COL11A1: variants seen among roughly 807,000 people sequenced by gnomAD.
COL11A1 encodes the protein collagen alpha-1(XI) chain.
A neutral mutation model predicts 265.2 loss-of-function variants in COL11A1; 74 were observed. That is an observed-to-expected ratio of 0.28 (90% confidence interval 0.23 to 0.34). The LOEUF (loss-of-function observed/expected upper bound fraction) is 0.34, where lower values mean the gene tolerates loss of function less well. Ranked by LOEUF, COL11A1 falls within the 10% of genes least tolerant of loss-of-function variation. The pLI, the probability that COL11A1 is intolerant of heterozygous loss-of-function variation, is 1.00. For synonymous variants in COL11A1, 816 were observed against 727.6 expected (o/e 1.12, Z -1.96); for missense variants, 2,165 against 2,263.6 (o/e 0.96, Z 0.88).
chr1:103,059,839 C>T (rs1167735389), intron 4 of COL11A1, among the ~76,000 whole-genome samples: 1 of 151,810 alleles, frequency 6.6e-6, no homozygotes, highest in Non-Finnish European at 1.5e-5. Context: ...AGAAAAAAAG[C>T]TGGGAAATAC....
In COL11A1 at chr1:102,972,218, C is replaced by CT. The variant is rs34198893; in HGVS notation, c.2809-1947dup. On this transcript the variant is annotated intron_variant, in intron 36 of 66. Coordinates refer to ENST00000370096, the MANE Select transcript of COL11A1 (RefSeq NM_001854.4). ...GCTGAAGGATATCAATTATGTCTGG[C>CT]TTTTTTTTCCACCATACTAAAGTGC... Among the ~76,000 whole-genome samples, 5 of 151,886 alleles carry CT rather than the reference C, an allele frequency of 3.3e-5. No homozygotes were observed. The South Asian group carries it at 8.3e-4, about 25-fold the overall frequency.
intron 28 of COL11A1, among the ~76,000 whole-genome samples, chr1:102,991,198 G>C (rs897030333): frequency 2.0e-5 from 3 of 152,042 alleles, no homozygotes; most frequent in Admixed American, 1.3e-4. Context: ...AGGTTAATAG[G>C]GAGGGTTTGA....
intron 5 of COL11A1, among the ~76,000 whole-genome samples, chr1:103,027,050 C>T (rs551289628): frequency 6.6e-6 from 1 of 151,564 alleles, no homozygotes; most frequent in East Asian, 1.9e-4. Flanking sequence ...AAAATCACTG[C>T]CTTTTTCTCT....
intron 4 of COL11A1, among the ~76,000 whole-genome samples, chr1:103,067,542 A>G (rs186641757): frequency 6.6e-6 from 1 of 151,856 alleles, no homozygotes; most frequent in East Asian, 1.9e-4. Flanking sequence ...CAAATCTCGA[A>G]GTAATAACCC....
At chr1:103,041,345 C>T (rs965191102) in intron 4 of COL11A1, among the ~76,000 whole-genome samples, 3 of 151,810 alleles carry the variant, frequency 2.0e-5, no homozygotes, top group South Asian at 4.1e-4. Context: ...ATTTGGGTAT[C>T]AGCTTTTTAC....
chr1:102,960,379 T>C (rs1660779821), intron 41 of COL11A1, among the ~76,000 whole-genome samples: 1 of 151,984 alleles, frequency 6.6e-6, no homozygotes, highest in South Asian at 2.1e-4. Context: ...GTATTTTGAG[T>C]AACCAAAATA....
At chr1:102,994,087 G>A (rs1400142197) in intron 28 of COL11A1, among the ~76,000 whole-genome samples, 4 of 152,068 alleles carry the variant, frequency 2.6e-5, no homozygotes, top group Non-Finnish European at 5.9e-5. Context: ...TCCAGATAAA[G>A]TATAATGGAT....
intron 31 of COL11A1, among the ~76,000 whole-genome samples, chr1:102,983,879 T>C (rs186859605): frequency 1.4e-4 from 22 of 152,248 alleles, no homozygotes; most frequent in Non-Finnish European, 2.9e-4. Flanking sequence ...TACTAGGATA[T>C]TTCTTGTTCC....
intron 11 of COL11A1, 70 bp downstream of exon 11, chr1:103,017,750 A>G: frequency 6.1e-6 from 8 of 1,313,770 alleles, no homozygotes; most frequent in Non-Finnish European, 8.8e-6. Flanking sequence ...TTATACTTGT[A>G]GAATACATTT....
chr1:103,038,833 T>C (rs1437696509), intron 4 of COL11A1, among the ~76,000 whole-genome samples: 1 of 152,118 alleles, frequency 6.6e-6, no homozygotes, highest in African/African-American at 2.4e-5. Flanking sequence ...AGGAATGGAA[T>C]AGATGGAACA....
chr1:102,931,307 G>T (rs1657408457), intron 46 of COL11A1, among the ~76,000 whole-genome samples: 1 of 150,654 alleles, frequency 6.6e-6, no homozygotes, highest in Non-Finnish European at 1.5e-5. Context: ...TGTTCTCATT[G>T]GTTTCAAAGA....
At chr1:102,972,911 AT>A (rs201292409) in intron 36 of COL11A1, among the ~76,000 whole-genome samples, 4,567 of 152,194 alleles carry the variant, frequency 0.03, 256 homozygotes, top group African/African-American at 0.1. Flanking sequence ...TTCCCAAAAT[AT>A]GCCGATATGG....
chr1:102,965,229 G>T lies in COL11A1; in HGVS notation c.2916+258C>A, dbSNP rs535921179. On this transcript the variant is annotated intron_variant, in intron 38 of 66. Coordinates refer to ENST00000370096, the MANE Select transcript of COL11A1 (RefSeq NM_001854.4). ...TAGTCAGGCTTTAGTGTTAAATTCA[G>T]TGTGAACTTTCTGATTTACTTTCAT... 7.2e-5 allele frequency among the ~76,000 whole-genome samples: 11 copies of T among 152,234 alleles called. No individual in the cohort carries two copies. In the East Asian group the frequency reaches 2.1e-3, roughly 29 times the overall value.
chr1:102,939,890 G>A (rs1190546331), intron 43 of COL11A1, among the ~76,000 whole-genome samples: 2 of 152,012 alleles, frequency 1.3e-5, no homozygotes, highest in Non-Finnish European at 2.9e-5. Context: ...TTGGAATTAG[G>A]AGCTTAGAGT....
intron 12 of COL11A1, 133 bp downstream of exon 12, chr1:103,015,535 C>T (rs923757456): frequency 1.9e-5 from 12 of 618,964 alleles, no homozygotes; most frequent in Non-Finnish European, 2.9e-5. Context: ...TTTCCAAATG[C>T]TGCTTAATTT....
intron 4 of COL11A1, 39 bp downstream of exon 4, chr1:103,074,579 A>G: frequency 9.3e-6 from 15 of 1,607,516 alleles, no homozygotes; most frequent in Admixed American, 1.7e-5. Context: ...AGTTCATCTG[A>G]TTTGTCAATA....
chr1:102,908,382 A>T (rs1654246190), intron 54 of COL11A1, among the ~76,000 whole-genome samples: 1 of 152,100 alleles, frequency 6.6e-6, no homozygotes, highest in Non-Finnish European at 1.5e-5. Context: ...AGGAAATTTC[A>T]ATGGTCATAT....
At chr1:102,961,739 G>A in intron 41 of COL11A1, 127 bp downstream of exon 41, 1 of 821,900 alleles carries the variant, frequency 1.2e-6, no homozygotes. Flanking sequence ...ACTAGGCATT[G>A]ACTGATTTGA....
At chr1:102,953,212 G>T (rs897937952) in intron 41 of COL11A1, among the ~76,000 whole-genome samples, 1 of 152,156 alleles carries the variant, frequency 6.6e-6, no homozygotes, top group African/African-American at 2.4e-5. Context: ...AGGTAAAATA[G>T]ATAATGATCA....
Sources: allele counts gnomAD v4.1 joint callset (sites outside exome capture counted in the v4.1 genomes callset), GRCh38; gene constraint gnomAD v4.1.1; transcripts MANE v1.5; gene names NCBI Gene and HGNC (gene_info 2026-07-23, HGNC 2026-07-21).